Variants in BBS9 observed in about 807,000 individuals in gnomAD.
The protein encoded by BBS9 is protein PTHB1.
In BBS9, 89 loss-of-function variants were observed where a neutral mutation model predicts 117.7. The ratio of observed to expected loss-of-function variants is 0.76; its 90% CI spans 0.64 to 0.90. The LOEUF is 0.90. BBS9 is among the 40% of genes least tolerant of loss of function. The pLI, the probability that BBS9 is intolerant of heterozygous loss-of-function variation, is 0.00. For synonymous variants in BBS9, 379 were observed against 370.9 expected (o/e 1.02, Z -0.25); for missense variants, 982 against 1,042.2 (o/e 0.94, Z 0.80).
Position 33,303,791 on chromosome 7 carries a change from A to C in BBS9, c.1016+29835A>C, listed in dbSNP as rs144582942. On this transcript the variant is annotated intron_variant, in intron 9 of 22. Transcript: ENST00000242067. The stretch of plus-strand genomic sequence containing the variant: ...CCCGAGGTGCTGGGATTGCAGATGG[A>C]GTCTCGCTCACTCAGTGCTCAATGT... 2.1e-3 allele frequency among the ~76,000 whole-genome samples: 317 copies of C among 151,788 alleles called. 1 individual carries two copies. The highest frequency in any genetic ancestry group is 7.3e-3 in the African/African-American group (302 of 41,338).
chr7:33,609,348 A>T (rs568991363), downstream of BBS9, among the ~76,000 whole-genome samples: 5 of 152,244 alleles, frequency 3.3e-5, no homozygotes, highest in East Asian at 1.9e-4. Flanking sequence ...CATGCGATTT[A>T]CTCTTCTTCA....
At chr7:33,471,044 A>C (rs1584943735) in intron 19 of BBS9, among the ~76,000 whole-genome samples, 1 of 152,224 alleles carries the variant, frequency 6.6e-6, no homozygotes. Flanking sequence ...ACATCTTCAC[A>C]TGTGGAATAA....
At chr7:33,166,443 C>A in intron 4 of BBS9, among the ~76,000 whole-genome samples, 1 of 152,250 alleles carries the variant, frequency 6.6e-6, no homozygotes, top group East Asian at 1.9e-4. Context: ...GCCTTTTGTT[C>A]AGCTATGCCC....
intron 21 of BBS9, among the ~76,000 whole-genome samples, chr7:33,602,883 G>A (rs961096390): frequency 9.2e-5 from 14 of 152,168 alleles, no homozygotes; most frequent in Non-Finnish European, 1.8e-4. Context: ...GCACCTTGCC[G>A]TCTCTGTATG....
intron 19 of BBS9, among the ~76,000 whole-genome samples, chr7:33,445,364 C>A (rs1836837747): frequency 6.6e-6 from 1 of 152,098 alleles, no homozygotes; most frequent in Non-Finnish European, 1.5e-5. Flanking sequence ...CCTCATAAGC[C>A]CTGTTATTTT....
intron 19 of BBS9, among the ~76,000 whole-genome samples, chr7:33,447,285 G>A (rs1263671083): frequency 2.6e-5 from 4 of 152,180 alleles, no homozygotes; most frequent in African/African-American, 4.8e-5. Flanking sequence ...AATTAATTAC[G>A]GAAGCTGCGG....
chr7:33,506,742 T>C (rs1846204391), intron 20 of BBS9, among the ~76,000 whole-genome samples: 2 of 152,202 alleles, frequency 1.3e-5, no homozygotes, highest in Non-Finnish European at 2.9e-5. Context: ...AGCTATATTT[T>C]ATGTGCTAAC....
At chr7:33,470,755 G>C (rs536376211) in intron 19 of BBS9, among the ~76,000 whole-genome samples, 3 of 152,216 alleles carry the variant, frequency 2.0e-5, no homozygotes, top group Non-Finnish European at 4.4e-5. Context: ...AGTTCACAAA[G>C]CAACACATGA....
At chr7:33,412,746 C>T (rs185612223) in intron 19 of BBS9, among the ~76,000 whole-genome samples, 6 of 152,244 alleles carry the variant, frequency 3.9e-5, no homozygotes, top group East Asian at 3.9e-4. Context: ...TGAAAGTTTA[C>T]GCTTATATCA....
rs1358613654 is a variant in BBS9 at position 33,390,162 on chromosome 7, G to A, written c.2115+2018G>A. On this transcript the variant is annotated intron_variant, in intron 19 of 22. Coordinates refer to ENST00000242067, the MANE Select transcript of BBS9 (RefSeq NM_198428.3). ...TTTCTTTCTCATTCTGGGGTCTACC[G>A]TCATCCCTGCCTGCCATACTTGAGG... The A allele has an allele frequency of 2.1e-5, 15 of 720,026 alleles. No individual in the cohort carries two copies. In the South Asian group the frequency reaches 5.7e-4, roughly 28 times the overall value. 44.6% of individuals were successfully genotyped at this position (720,026 alleles called of 1,614,324 possible). A position where few individuals can be genotyped will look rare whatever the true frequency, so the allele number is the denominator to read the frequency against.
chr7:33,264,247 A>C (rs754706985), intron 6 of BBS9, 43 bp from the exon 7 acceptor site: 1 of 1,013,774 alleles, frequency 9.9e-7, no homozygotes, highest in Non-Finnish European at 1.4e-6. Flanking sequence ...TATAATTTTT[A>C]ATTATAAACT....
chr7:33,191,131 A>C (rs1422588557), intron 5 of BBS9, among the ~76,000 whole-genome samples: 1 of 152,170 alleles, frequency 6.6e-6, no homozygotes, highest in African/African-American at 2.4e-5. Context: ...TTAGGTGTCC[A>C]GGTTGCTGAG....
intron 21 of BBS9, among the ~76,000 whole-genome samples, chr7:33,633,926 A>T (rs1342591572): frequency 6.6e-6 from 1 of 151,864 alleles, no homozygotes; most frequent in East Asian, 1.9e-4. Context: ...GTCTTCCCCT[A>T]CTCATGAAAA....
chr7:33,533,617 C>A, intron 20 of BBS9: 1 of 327,634 alleles, frequency 3.1e-6, no homozygotes, highest in Non-Finnish European at 5.8e-6. Context: ...ATTAAACAGA[C>A]GTGTGCCTGA....
At chr7:33,301,983 G>T (rs1295694022) in intron 9 of BBS9, among the ~76,000 whole-genome samples, 1 of 152,116 alleles carries the variant, frequency 6.6e-6, no homozygotes, top group Non-Finnish European at 1.5e-5. Flanking sequence ...TCTGAGGTCA[G>T]ATTATATCTT....
At chr7:33,339,916 A>T (rs1254442286) in intron 10 of BBS9, among the ~76,000 whole-genome samples, 1 of 152,014 alleles carries the variant, frequency 6.6e-6, no homozygotes, top group Non-Finnish European at 1.5e-5. Context: ...GGGTTCCAAT[A>T]CACAGAGGGA....
chr7:33,475,804 A>G (rs115437265), intron 19 of BBS9, among the ~76,000 whole-genome samples: 3,024 of 152,274 alleles, frequency 0.02, 55 homozygotes, highest in African/African-American at 0.042. Context: ...AGCGAGAGGA[A>G]TGATTGTTGG....
At chr7:33,174,192 G>T (rs1583468598) in intron 4 of BBS9, among the ~76,000 whole-genome samples, 1 of 152,124 alleles carries the variant, frequency 6.6e-6, no homozygotes, top group African/African-American at 2.4e-5. Context: ...ACAAATATGT[G>T]GAGCTTCTGA....
intron 5 of BBS9, chr7:33,242,974 T>G (rs767944162): frequency 3.9e-6 from 2 of 518,868 alleles, no homozygotes; most frequent in South Asian, 2.8e-5. Flanking sequence ...TGAACTTTCT[T>G]GAGCCTTAGG....
Sources: allele counts gnomAD v4.1 joint callset (sites outside exome capture counted in the v4.1 genomes callset), GRCh38; gene constraint gnomAD v4.1.1; transcripts MANE v1.5; gene names NCBI Gene and HGNC (gene_info 2026-07-23, HGNC 2026-07-21).